Variants in KDM2A observed in about 807,000 individuals in gnomAD.
The protein encoded by KDM2A is lysine demethylase 2A.
A neutral mutation model predicts 137.3 loss-of-function variants in KDM2A; 3 were observed. The observed-to-expected ratio is 0.02, with a 90% confidence interval of 0.01 to 0.06. KDM2A has a LOEUF of 0.06. KDM2A is among the 10% of genes least tolerant of loss of function. The pLI is 1.00. For missense variants in KDM2A, 738 were observed against 1,510.6 expected (o/e 0.49, Z 8.48); for synonymous variants, 512 against 541.5 (o/e 0.95, Z 0.76).
At chr11:67,142,373 G>A (rs1410766895) in intron 2 of KDM2A, among the ~76,000 whole-genome samples, 1 of 150,724 alleles carries the variant, frequency 6.6e-6, no homozygotes, top group Non-Finnish European at 1.5e-5. Flanking sequence ...AAATAAGGCT[G>A]GGTGTGGTGG....
At chr11:67,200,576 A>G (rs947969126) in intron 5 of KDM2A, among the ~76,000 whole-genome samples, 3 of 151,762 alleles carry the variant, frequency 2.0e-5, no homozygotes, top group Admixed American at 6.6e-5. Context: ...CAATGGTACA[A>G]TCATGGCTCA....
intron 5 of KDM2A, among the ~76,000 whole-genome samples, chr11:67,193,882 G>C (rs1484738801): frequency 6.6e-6 from 1 of 152,032 alleles, no homozygotes; most frequent in Non-Finnish European, 1.5e-5. Flanking sequence ...ACATACATAC[G>C]TATTTATTGA....
chr11:67,227,264 G>A (rs896212181), intron 10 of KDM2A, among the ~76,000 whole-genome samples: 11 of 152,164 alleles, frequency 7.2e-5, no homozygotes, highest in African/African-American at 2.2e-4. Flanking sequence ...CCAACCTGGT[G>A]CCCCTAGACT....
chr11:67,217,067 C>T (rs1858185920), intron 8 of KDM2A, among the ~76,000 whole-genome samples: 1 of 150,508 alleles, frequency 6.6e-6, no homozygotes, highest in South Asian at 2.1e-4. Flanking sequence ...CATGGTGAAA[C>T]CCCGTCTCTA....
At chr11:67,176,062 T>C (rs978668774) in intron 2 of KDM2A, among the ~76,000 whole-genome samples, 4 of 152,198 alleles carry the variant, frequency 2.6e-5, no homozygotes, top group Middle Eastern at 3.2e-3. Flanking sequence ...TGAAGTCTTA[T>C]CAAAATTAAA....
chr11:67,234,838 G>A (rs1452504161), intron 12 of KDM2A, among the ~76,000 whole-genome samples: 1 of 152,126 alleles, frequency 6.6e-6, no homozygotes, highest in Non-Finnish European at 1.5e-5. Flanking sequence ...GGGCAAAAGA[G>A]TGAGACCTTG....
intron 10 of KDM2A, among the ~76,000 whole-genome samples, chr11:67,223,388 CTTATTTAT>C (rs10542275): frequency 0.056 from 8,399 of 149,222 alleles, 314 homozygotes; most frequent in Non-Finnish European, 0.085. Flanking sequence ...TTTTTTCTTT[CTTATTTAT>C]TTATTTATTT....
chr11:67,157,849 C>T (rs1420354455), intron 2 of KDM2A, among the ~76,000 whole-genome samples: 1 of 151,960 alleles, frequency 6.6e-6, no homozygotes, highest in African/African-American at 2.4e-5. Flanking sequence ...CCTGTAGTCT[C>T]AGCTACTCCA....
At chr11:67,224,753 A>G (rs931016354) in intron 10 of KDM2A, among the ~76,000 whole-genome samples, 1 of 148,126 alleles carries the variant, frequency 6.8e-6, no homozygotes, top group African/African-American at 2.5e-5. Context: ...GGCTTGAGCT[A>G]TCTTGTCCGG....
intron 13 of KDM2A, among the ~76,000 whole-genome samples, chr11:67,244,820 C>CA (rs1003482243): frequency 6.6e-6 from 1 of 151,770 alleles, no homozygotes; most frequent in Admixed American, 6.6e-5. Flanking sequence ...CCCGTCTCTA[C>CA]AAAAAATACA....
intron 15 of KDM2A, among the ~76,000 whole-genome samples, chr11:67,247,271 G>T (rs1859278491): frequency 6.7e-6 from 1 of 148,696 alleles, no homozygotes; most frequent in African/African-American, 2.5e-5. Context: ...TGTGTTTTTA[G>T]TAGAGATGGG....
intron 10 of KDM2A, among the ~76,000 whole-genome samples, chr11:67,224,908 C>G (rs562370547): frequency 8.4e-6 from 1 of 118,862 alleles, no homozygotes; most frequent in Non-Finnish European, 1.6e-5. Context: ...GTGGTGTGAT[C>G]TCAGCTCACT....
At chr11:67,252,904 C>T (rs750891432) in intron 18 of KDM2A, 47 bp downstream of exon 18, 16 of 1,558,994 alleles carry the variant, frequency 1.0e-5, no homozygotes, top group African/African-American at 4.1e-5. Context: ...CCAGAAGAAG[C>T]GGGCAAGAAA....
Position 67,257,809 on chromosome 11 carries a change from C to T in KDM2A, c.*2754C>T, listed in dbSNP as rs1005890402. On this transcript the variant is annotated 3_prime_UTR_variant, in exon 21 of 21. Transcript: ENST00000529006. ...AAGCATTAAGGGGATAAGTCTTATGCTATCTCAGTTGACACATTGAGGTTA... is the reference window on the plus strand; with the variant it reads ...AAGCATTAAGGGGATAAGTCTTATGTTATCTCAGTTGACACATTGAGGTTA... The T allele has an allele frequency of 6.6e-6, 1 of 152,038 alleles. No individual in the cohort carries two copies. The highest frequency in any genetic ancestry group is 1.5e-5 in the Non-Finnish European group (1 of 68,020). The allele number at this position is 152,038 out of a possible 1,614,324, so 9.4% of individuals were successfully genotyped here.
At chr11:67,174,516 C>A (rs908072408) in intron 2 of KDM2A, among the ~76,000 whole-genome samples, 8 of 152,124 alleles carry the variant, frequency 5.3e-5, no homozygotes, top group Non-Finnish European at 1.0e-4. Flanking sequence ...TAGATGAATA[C>A]CTACTTGCAT....
Position 67,245,596 on chromosome 11 carries a change from C to T in KDM2A, c.1833+138C>T, listed in dbSNP as rs767167159. 2 of 927,534 alleles carry T rather than the reference C, an allele frequency of 2.2e-6. No homozygotes were observed. The highest frequency in any genetic ancestry group is 5.3e-5 in the East Asian group (2 of 37,744). The allele number at this position is 927,534 out of a possible 1,614,324, so 57.5% of individuals were successfully genotyped here. A position where few individuals can be genotyped will look rare whatever the true frequency, so the allele number is the denominator to read the frequency against. ...ACTCTCTTTTTGGCTTTATTTTGTACCTTTTTTCCCCAGGTTTAGATAGAA... is the reference window on the plus strand; with the variant it reads ...ACTCTCTTTTTGGCTTTATTTTGTATCTTTTTTCCCCAGGTTTAGATAGAA... On this transcript the variant is annotated intron_variant, in intron 14 of 20. Transcript: ENST00000529006. The surrounding 1 kb of genome is among the most constrained non-coding windows in gnomAD (Gnocchi z 4.1).
intron 2 of KDM2A, among the ~76,000 whole-genome samples, chr11:67,130,716 T>A (rs1855836143): frequency 6.6e-6 from 1 of 152,164 alleles, no homozygotes; most frequent in Non-Finnish European, 1.5e-5. Context: ...ATACTTTATT[T>A]TTGCATTGCA....
At chr11:67,226,046 C>G (rs1858532023) in intron 10 of KDM2A, among the ~76,000 whole-genome samples, 1 of 151,618 alleles carries the variant, frequency 6.6e-6, no homozygotes, top group South Asian at 2.1e-4. Context: ...GCCTGGGCAA[C>G]AAGAACAAAA....
chr11:67,231,408 A>G (rs1858716678), intron 11 of KDM2A, among the ~76,000 whole-genome samples, 158 bp from the exon 12 acceptor site: 1 of 152,180 alleles, frequency 6.6e-6, no homozygotes, highest in African/African-American at 2.4e-5. Context: ...GTGATTTTGA[A>G]CAGTGGACAA....
Sources: gnomAD v4.1 joint callset for allele counts (sites outside exome capture counted in the v4.1 genomes callset) on GRCh38, gnomAD v4.1.1 for gene constraint, Gnocchi (gnomAD v3.1) non-coding constraint, MANE v1.5 for transcripts, NCBI Gene and HGNC (gene_info 2026-07-23, HGNC 2026-07-21) for gene names.